The following MSANTD1 variants were observed in gnomAD, a reference collection of about 807,000 sequenced individuals.
MSANTD1 encodes myb/SANT-like DNA-binding domain-containing protein 1.
A neutral mutation model predicts 24.2 loss-of-function variants in MSANTD1; 7 were observed. That is an observed-to-expected ratio of 0.29 (90% CI 0.16 to 0.54). The LOEUF is 0.54. MSANTD1 is among the 20% of genes least tolerant of loss of function. The pLI is 0.94. For missense variants in MSANTD1, 384 were observed against 408.2 expected, an observed-to-expected ratio of 0.94 and a Z score of 0.51; for synonymous variants, 177 against 181.1, an observed-to-expected ratio of 0.98 and a Z score of 0.18.
In MSANTD1 at chr4:3,253,269, T is replaced by C. The variant is rs1344027353; in HGVS notation, c.383T>C (p.Ile128Thr). The change falls in exon 2 of 3, where the codon ATT becomes ACT. Residue 128 changes from isoleucine to threonine, a missense_variant. Physicochemically the swap from Ile to Thr is moderately conservative, Grantham distance 89 (BLOSUM62 -1). Coordinates refer to ENST00000438480, the MANE Select transcript of MSANTD1 (RefSeq NM_001042690.2). The part of the protein sequence containing the change: ...APPDWPYYLA[I>T]DGILAKVPES... ...CCCGACTGGCCCTATTACCTAGCCA[T>C]TGATGGGATTCTGGCCAAGGTCCCC... is the stretch of plus-strand genomic sequence containing the variant. 1 of 1,606,410 alleles carries C rather than the reference T, an allele frequency of 6.2e-7. No homozygotes were observed. The highest frequency in any genetic ancestry group is 8.5e-7 in the Non-Finnish European group (1 of 1,175,346).
At chr4:3,248,886 C>T (rs912866297), upstream of MSANTD1, 5 of 265,452 alleles carry the variant, frequency 1.9e-5, no homozygotes, top group Non-Finnish European at 3.5e-5. Context: ...CCACCCGAGG[C>T]CCCCTCTTGG....
rs1722236353 is a variant in MSANTD1, at chr4:3,251,707, TA to T, written c.321-1499del. On this transcript the variant is annotated intron_variant, in intron 1 of 2. Transcript: ENST00000438480. ...TTTTTCTTTTTCTTTTTTTTTTTTT[TA>T]CAAGAACTCTTTATATATTAAGGCT... Among the ~76,000 whole-genome samples, 3 of 151,144 alleles carry T rather than the reference TA, an allele frequency of 2.0e-5. No individual in the cohort carries two copies. In the South Asian group the frequency reaches 6.2e-4, roughly 31 times the overall value.
upstream of MSANTD1, chr4:3,247,839 C>G (rs1378510405): frequency 1.3e-5 from 2 of 152,352 alleles, no homozygotes; most frequent in African/African-American, 4.8e-5. Context: ...GCACCCCCGC[C>G]ATGCCCCTGC....
chr4:3,254,734 C>T (rs928214456), intron 2 of MSANTD1, among the ~76,000 whole-genome samples: 3 of 152,228 alleles, frequency 2.0e-5, no homozygotes, highest in Non-Finnish European at 4.4e-5. Context: ...CTCACCACCT[C>T]TACCAGAGCT....
intron 2 of MSANTD1, among the ~76,000 whole-genome samples, chr4:3,254,820 C>T (rs1722337546): frequency 6.6e-6 from 1 of 152,222 alleles, no homozygotes; most frequent in South Asian, 2.1e-4. Context: ...TGCCTCTCTA[C>T]CAAGGTGTGC....
At chr4:3,248,272 CCCTCA>C (rs2110317436), upstream of MSANTD1, 3 of 152,338 alleles carry the variant, frequency 2.0e-5, no homozygotes, top group South Asian at 6.2e-4. Context: ...GCATCTCAGT[CCCTCA>C]GCCCCACAGG....
chr4:3,249,772 A>G (rs1276282742), intron 1 of MSANTD1, among the ~76,000 whole-genome samples: 1 of 152,232 alleles, frequency 6.6e-6, no homozygotes, highest in African/African-American at 2.4e-5. Context: ...CAGCAAGGGC[A>G]GGAAACCAGT....
At chr4:3,246,634 G>C (rs141929664), upstream of MSANTD1, 5,859 of 696,412 alleles carry the variant, frequency 8.4e-3, 35 homozygotes, top group Non-Finnish European at 0.012. Flanking sequence ...ACCCCGTAGC[G>C]ACTGAGGGTC....
chr4:3,244,736 A>G (rs1016276430), upstream of MSANTD1: 11 of 152,224 alleles, frequency 7.2e-5, no homozygotes, highest in Non-Finnish European at 1.2e-4. Flanking sequence ...TATTTAGTCA[A>G]TGTTTGCTGA....
At chr4:3,250,350 T>C (rs1473586240) in intron 1 of MSANTD1, among the ~76,000 whole-genome samples, 1 of 152,144 alleles carries the variant, frequency 6.6e-6, no homozygotes, top group Non-Finnish European at 1.5e-5. Context: ...AGGGAGATGT[T>C]GGCGTCTAGG....
At chr4:3,247,139 G>A (rs999314801), upstream of MSANTD1, among the ~76,000 whole-genome samples, 1 of 152,150 alleles carries the variant, frequency 6.6e-6, no homozygotes, top group Non-Finnish European at 1.5e-5. Context: ...TAGAGGGCAC[G>A]TAGAGGCCCC....
upstream of MSANTD1, chr4:3,245,485 T>A (rs1263483636): frequency 1.3e-5 from 2 of 152,326 alleles, no homozygotes; most frequent in East Asian, 3.9e-4. Flanking sequence ...CTCTACATGA[T>A]GTGACACAGC....
intron 1 of MSANTD1, among the ~76,000 whole-genome samples, chr4:3,251,192 C>G (rs1029774234): frequency 1.3e-5 from 2 of 152,228 alleles, no homozygotes; most frequent in Non-Finnish European, 2.9e-5. Flanking sequence ...GCTCAGGCAC[C>G]TGGTGAGGAA....
At chr4:3,247,669 G>A (rs146719575), upstream of MSANTD1, 38 of 152,564 alleles carry the variant, frequency 2.5e-4, no homozygotes, top group African/African-American at 8.4e-4. Flanking sequence ...GCTGATGGTG[G>A]GGCCAGGCCT....
chr4:3,249,325 C>G lies in MSANTD1; in HGVS notation c.103C>G (p.Pro35Ala), dbSNP rs762651678. 1.3e-6 allele frequency: 2 copies of G among 1,550,110 alleles called. No individual in the cohort carries two copies. The highest frequency in any genetic ancestry group is 1.7e-6 in the Non-Finnish European group (2 of 1,145,774). Residue 35 changes from proline (P) to alanine (A), a missense_variant, in exon 1 of 3, where the codon CCC (proline) becomes GCC (alanine). Transcript: ENST00000438480. Reference sequence around the variant, plus strand: ...CGAGGGGCCCGGCTACCTCGTGTCTCCCCAGGCGGAGAAGCACCGGCGGGC... The same window carrying G: ...CGAGGGGCCCGGCTACCTCGTGTCTGCCCAGGCGGAGAAGCACCGGCGGGC... ...AAEGPGYLVS[P>A]QAEKHRRARN...
chr4:3,253,839 C>A (rs1232198174), intron 2 of MSANTD1, among the ~76,000 whole-genome samples: 1 of 152,232 alleles, frequency 6.6e-6, no homozygotes, highest in Non-Finnish European at 1.5e-5. Flanking sequence ...CGGAGGGAGA[C>A]CAAGCCCCAG....
intron 1 of MSANTD1, among the ~76,000 whole-genome samples, chr4:3,252,159 G>C (rs1164623614): frequency 1.1e-4 from 17 of 152,230 alleles, no homozygotes; most frequent in Admixed American, 1.0e-3. Context: ...GGCAGAGTGG[G>C]GAGTGGGCAC....
intron 2 of MSANTD1, among the ~76,000 whole-genome samples, chr4:3,255,467 A>T (rs1329080474): frequency 6.6e-6 from 1 of 151,928 alleles, no homozygotes; most frequent in Non-Finnish European, 1.5e-5. Context: ...CAGGTGATCC[A>T]CCTGCCTCTG....
chr4:3,249,178 A>G lies in MSANTD1; in HGVS notation c.-45A>G. 7.5e-7 allele frequency: 1 copy of G among 1,325,634 alleles called. No individual in the cohort carries two copies. The allele number at this position is 1,325,634 out of a possible 1,614,324, so 82.1% of individuals were successfully genotyped here. On this transcript the variant is annotated 5_prime_UTR_variant, in exon 1 of 3. Transcript: ENST00000438480. ...CCTGTCAGATGTAGGCCCCATTTTG[A>G]GCGTGGAGCTGCCTTCGAGCGAGCG... is the stretch of plus-strand genomic sequence containing the variant.
Sources: gnomAD v4.1 joint callset for allele counts (sites outside exome capture counted in the v4.1 genomes callset) on GRCh38, gnomAD v4.1.1 for gene constraint, MANE v1.5 for transcripts, NCBI Gene and HGNC (gene_info 2026-07-23, HGNC 2026-07-21) for gene names.